The following ACADM variants were observed in gnomAD, a reference collection of about 807,000 sequenced individuals.
ACADM encodes acyl-CoA dehydrogenase medium chain.
ACADM carries 49 observed loss-of-function variants against 58.9 expected under a neutral mutation model. The ratio of observed to expected loss-of-function variants is 0.83; its 90% CI spans 0.66 to 1.06. The LOEUF (loss-of-function observed/expected upper bound fraction) is 1.06, where lower values mean the gene tolerates loss of function less well. ACADM is among the 50% of genes least tolerant of loss of function. ACADM has a pLI of 0.00. For missense variants in ACADM, 496 were observed against 507.0 expected (o/e 0.98, Z 0.21); for synonymous variants, 160 against 157.7 (o/e 1.01, Z -0.11).
chr1:75,743,689 T>C (rs1438054115), intron 7 of ACADM: 11 of 1,479,750 alleles, frequency 7.4e-6, no homozygotes, highest in African/African-American at 1.4e-5. Context: ...ACCATCCATA[T>C]CTTCAATGGC....
At chr1:75,750,648 G>T (rs1167639178) in intron 10 of ACADM, 102 bp downstream of exon 10, 1 of 804,174 alleles carries the variant, frequency 1.2e-6, no homozygotes, top group Non-Finnish European at 2.1e-6. Flanking sequence ...TTTCTACTTT[G>T]ATAGCAAGAA....
chr1:75,733,128 C>A, intron 4 of ACADM: 1 of 1,612,824 alleles, frequency 6.2e-7, no homozygotes. Context: ...TGGTTCCAAC[C>A]TTAACTTGCA....
chr1:75,743,560 C>G lies in ACADM; in HGVS notation c.600-2246C>G. The stretch of plus-strand genomic sequence containing the variant: ...CATGGGCTGCACCTCTACCTTGCCT[C>G]CTATAGCCACTGGCTTGTCAAAGAT... On this transcript the variant is annotated intron_variant, in intron 7 of 11. Transcript: ENST00000370841. 5 of 1,594,588 alleles carry G rather than the reference C, an allele frequency of 3.1e-6. No homozygotes were observed. The Admixed American group carries it at 6.7e-5, about 21-fold the overall frequency.
chr1:75,762,846 T>C lies in ACADM; in HGVS notation c.*83T>C. 5 of 841,408 alleles carry C rather than the reference T, an allele frequency of 5.9e-6. No homozygotes were observed. The Admixed American group carries it at 7.1e-5, about 12-fold the overall frequency. 52.1% of individuals were successfully genotyped at this position (841,408 alleles called of 1,614,324 possible). On this transcript the variant is annotated 3_prime_UTR_variant, in exon 12 of 12. Transcript: ENST00000370841. The stretch of plus-strand genomic sequence containing the variant: ...AAAAAAGAAAGGGCTTTAACGTTTT[T>C]TCCAGTGAAAACAAATCCTCTTATA...
intron 2 of ACADM, among the ~76,000 whole-genome samples, chr1:75,731,210 C>T (rs1647142981): frequency 2.4e-5 from 3 of 126,930 alleles, no homozygotes; most frequent in African/African-American, 2.9e-5. Flanking sequence ...ACCCGGGAGG[C>T]GGAGCTTGCA....
At chr1:75,737,431 A>T (rs1647334561) in intron 6 of ACADM, among the ~76,000 whole-genome samples, 1 of 151,206 alleles carries the variant, frequency 6.6e-6, no homozygotes, top group Admixed American at 6.6e-5. Flanking sequence ...ACAGGCTCTA[A>T]AAACTTCACT....
chr1:75,760,452 T>C (rs1648769756), intron 10 of ACADM, among the ~76,000 whole-genome samples: 1 of 138,736 alleles, frequency 7.2e-6, no homozygotes. Context: ...CCCAGCTACT[T>C]TGGGGGCTGA....
At chr1:75,745,721 A>G in intron 7 of ACADM, 85 bp from the exon 8 acceptor site, 1 of 1,019,006 alleles carries the variant, frequency 9.8e-7, no homozygotes, top group East Asian at 2.4e-5. Context: ...AATAATTGGG[A>G]TTGTTAAGAG....
At chr1:75,743,665 A>AT in intron 7 of ACADM, 1 of 1,478,996 alleles carries the variant, frequency 6.8e-7, no homozygotes. Context: ...TCCATTGCTA[A>AT]TGGTGAAGGT....
chr1:75,744,754 A>T (rs539376724), intron 7 of ACADM: 1 of 715,798 alleles, frequency 1.4e-6, no homozygotes, highest in Non-Finnish European at 2.6e-6. Flanking sequence ...CGCCCGGGAC[A>T]CAGTGGGACC....
At chr1:75,730,937 A>G (rs1647137699) in intron 2 of ACADM, among the ~76,000 whole-genome samples, 1 of 152,144 alleles carries the variant, frequency 6.6e-6, no homozygotes, top group Non-Finnish European at 1.5e-5. Context: ...TACTTCTGCT[A>G]ATTCATTGTG....
In ACADM at chr1:75,734,870, G is replaced by C; in HGVS notation, c.467G>C (p.Cys156Ser). 6.2e-7 allele frequency: 1 copy of C among 1,609,566 alleles called. No individual in the cohort carries two copies. Reference sequence around the variant, plus strand: ...AGAATGACTGAGGAGCCATTGATGTGTGTGAGTATGTGTAACTGCCGCTTT... The same window carrying C: ...AGAATGACTGAGGAGCCATTGATGTCTGTGAGTATGTGTAACTGCCGCTTT... ...LGRMTEEPLM[C>S]AYCVTEPGAG... Residue 156 changes from cysteine to serine, a missense_variant and splice_region_variant, in exon 6 of 12, where the codon TGT becomes TCT. Physicochemically the swap from Cys to Ser is moderately radical, Grantham distance 112 (BLOSUM62 -1). Coordinates refer to ENST00000370841, the MANE Select transcript of ACADM (RefSeq NM_000016.6).
intron 3 of ACADM, 28 bp from the exon 4 acceptor site, chr1:75,732,825 T>C: frequency 1.2e-6 from 2 of 1,610,134 alleles, no homozygotes; most frequent in Non-Finnish European, 1.7e-6. Flanking sequence ...TTTCAAAATA[T>C]ATTTTAACTC....
rs1057520214 is a variant in ACADM, at chr1:75,732,702, A to C, written c.177A>C (p.Glu59Asp). 1 of 1,614,090 alleles carries C rather than the reference A, an allele frequency of 6.2e-7. No homozygotes were observed. Among genetic ancestry groups the C allele is most frequent in the Non-Finnish European group, 8.5e-7 (1 of 1,179,960 alleles). ...CTGCTCGTAAATTTGCCAGAGAGGA[A>C]ATCATCCCAGTGGCTGCAGAATATG... ...QATARKFARE[E>D]IIPVAAEYDK... The change falls in exon 3 of 12, where the codon GAA becomes GAC. Residue 59 changes from glutamate (E) to aspartate (D), a missense_variant. Physicochemically the swap from Glu to Asp is conservative, Grantham distance 45 (BLOSUM62 2). Coordinates refer to ENST00000370841, the MANE Select transcript of ACADM (RefSeq NM_000016.6).
Position 75,749,479 on chromosome 1 carries a change from G to T in ACADM, c.769G>T (p.Val257Leu), listed in dbSNP as rs774404344. Residue 257 changes from valine (V) to leucine (L), a missense_variant, in exon 9 of 12, where the codon GTG becomes TTG. Physicochemically the swap from Val to Leu is conservative, Grantham distance 32. Transcript: ENST00000370841. ...AGGAATTGTCTTCGAAGATGTGAAA[G>T]TGCCTAAAGAAAATGTTTTAATTGG... Reference protein sequence around the residue: ...TRGIVFEDVKVPKENVLIGDG... With the variant: ...TRGIVFEDVKLPKENVLIGDG... The T allele has an allele frequency of 3.1e-6, 5 of 1,614,076 alleles. No homozygotes were observed. The highest frequency in any genetic ancestry group is 1.7e-5 in the Admixed American group (1 of 60,028).
At position 75,756,964 on chromosome 1, in the gene ACADM, A is replaced by C. The variant is rs576160439; in HGVS notation, c.946-4158A>C. Among the ~76,000 whole-genome samples, 360 of 152,352 alleles carry C rather than the reference A, an allele frequency of 2.4e-3. 4 individuals carry two copies. The highest frequency in any genetic ancestry group is 8.3e-3 in the African/African-American group (347 of 41,590). On this transcript the variant is annotated intron_variant, in intron 10 of 11. Transcript: ENST00000370841. ...GACAAACACAAGAAATGGGGGAAGG[A>C]TTCCCTATTTAATAAATGGTGCTGG... is the stretch of plus-strand genomic sequence containing the variant.
At chr1:75,753,795 C>CTTTTTTTTTTTTTTT (rs71071962) in intron 10 of ACADM, among the ~76,000 whole-genome samples, 2,755 of 81,696 alleles carry the variant, frequency 0.034, 259 homozygotes, top group Non-Finnish European at 0.045. Flanking sequence ...CTGATAGCTT[C>CTTTTTTTTTTTTTTT]TTTTTTTTTT....
At chr1:75,749,652 C>T (rs1648091365) in intron 9 of ACADM, 93 bp downstream of exon 9, 1 of 1,143,854 alleles carries the variant, frequency 8.7e-7, no homozygotes, top group South Asian at 1.5e-5. Flanking sequence ...CAGTGTGTTT[C>T]TCTTTTTAAT....
chr1:75,743,531 A>T, intron 7 of ACADM: 1 of 1,607,072 alleles, frequency 6.2e-7, no homozygotes, highest in East Asian at 2.2e-5. Flanking sequence ...AGTGCCACGT[A>T]CATCATGGGC....
Sources: allele counts gnomAD v4.1 joint callset (sites outside exome capture counted in the v4.1 genomes callset), GRCh38; gene constraint gnomAD v4.1.1; transcripts MANE v1.5; gene names NCBI Gene and HGNC (gene_info 2026-07-23, HGNC 2026-07-21).